NUP214: variants seen among roughly 807,000 people sequenced by gnomAD.
The protein encoded by NUP214 is nucleoporin 214, also known as nuclear pore complex protein Nup214.
A neutral mutation model predicts 196.2 loss-of-function variants in NUP214; 79 were observed. The observed-to-expected ratio is 0.40, with a 90% CI of 0.34 to 0.49. The LOEUF (loss-of-function observed/expected upper bound fraction) is 0.49. NUP214 is among the 20% of genes least tolerant of loss of function. NUP214 has a pLI of 0.58. For missense variants in NUP214, 2,468 were observed against 2,539.0 expected, an observed-to-expected ratio of 0.97 and a Z score of 0.60; for synonymous variants, 1,020 against 990.5, an observed-to-expected ratio of 1.03 and a Z score of -0.56.
At chr9:131,207,514 T>G (rs890964597) in intron 30 of NUP214, among the ~76,000 whole-genome samples, 1 of 152,186 alleles carries the variant, frequency 6.6e-6, no homozygotes, top group Non-Finnish European at 1.5e-5. Context: ...GGAGGAACAT[T>G]CCAAGAAAGA....
At position 131,151,780 on chromosome 9, in the gene NUP214, G is replaced by A. The variant is rs764294336; in HGVS notation, c.2322G>A (p.Glu774=). 6.2e-7 allele frequency: 1 copy of A among 1,613,374 alleles called. No individual in the cohort carries two copies. The highest frequency in any genetic ancestry group is 2.2e-5 in the East Asian group (1 of 44,836). The change falls in exon 17 of 36, where the codon GAG becomes GAA. Residue 774 remains glutamate, a synonymous_variant. Transcript: ENST00000359428. ...GTAGCCTGAAAACAACTTTACTTGAGGGCTTTGCTGGTGTTGAGGAAGCCA... is the reference window on the plus strand; with the variant it reads ...GTAGCCTGAAAACAACTTTACTTGAAGGCTTTGCTGGTGTTGAGGAAGCCA... ...DISSLKTTLL[E]GFAGVEEARE... is the part of the protein sequence containing the mutation.
At chr9:131,194,006 G>A (rs2131037005) in intron 27 of NUP214, 1 of 150,812 alleles carries the variant, frequency 6.6e-6, no homozygotes, top group East Asian at 1.9e-4. Context: ...TCAATGGCTT[G>A]ACACTATTAG....
chr9:131,163,547 G>A (rs1382109769), intron 19 of NUP214, among the ~76,000 whole-genome samples: 1 of 152,068 alleles, frequency 6.6e-6, no homozygotes, highest in Non-Finnish European at 1.5e-5. Context: ...CTTGAATGGG[G>A]GGACTTTCAG....
chr9:131,177,923 T>C (rs1157586932), intron 23 of NUP214, among the ~76,000 whole-genome samples: 3 of 152,070 alleles, frequency 2.0e-5, no homozygotes, highest in South Asian at 2.1e-4. Context: ...AATAAGCCCA[T>C]GTTAAAGAAA....
intron 21 of NUP214, among the ~76,000 whole-genome samples, chr9:131,173,346 G>A (rs1833010784): frequency 7.1e-6 from 1 of 141,704 alleles, no homozygotes; most frequent in South Asian, 2.2e-4. Flanking sequence ...TTGAGCCACT[G>A]CACCCAGCCT....
At chr9:131,141,416 T>C (rs1319649009) in intron 11 of NUP214, among the ~76,000 whole-genome samples, 1 of 151,590 alleles carries the variant, frequency 6.6e-6, no homozygotes, top group Non-Finnish European at 1.5e-5. Context: ...TGCACACATA[T>C]AAATACTAGT....
At chr9:131,167,993 T>A (rs539195401) in intron 21 of NUP214, among the ~76,000 whole-genome samples, 8 of 152,336 alleles carry the variant, frequency 5.3e-5, no homozygotes, top group African/African-American at 1.9e-4. Context: ...GAAGCGATCC[T>A]CCTGCCTCAG....
intron 34 of NUP214, among the ~76,000 whole-genome samples, chr9:131,231,336 C>T (rs1379268822): frequency 2.6e-5 from 4 of 152,074 alleles, no homozygotes; most frequent in East Asian, 1.9e-4. Flanking sequence ...GGTCTACAGG[C>T]GCCCGCCACC....
intron 26 of NUP214, chr9:131,190,163 T>C (rs1833558428): frequency 2.1e-5 from 7 of 330,114 alleles, no homozygotes; most frequent in African/African-American, 4.2e-5. Flanking sequence ...ACGCCTCACA[T>C]GAGAAGGAGG....
At chr9:131,233,349 TAAA>T in intron 35 of NUP214, 102 bp from the exon 36 acceptor site, 1 of 1,185,624 alleles carries the variant, frequency 8.4e-7, no homozygotes, top group East Asian at 2.6e-5. Context: ...AAAATAATAA[TAAA>T]AAATCTGAGT....
At chr9:131,172,391 G>T (rs1294981533) in intron 21 of NUP214, among the ~76,000 whole-genome samples, 9 of 152,166 alleles carry the variant, frequency 5.9e-5, no homozygotes, top group African/African-American at 1.7e-4. Flanking sequence ...ACCCACTTTT[G>T]GATGGGGTTG....
intron 35 of NUP214, 87 bp from the exon 36 acceptor site, chr9:131,233,367 A>T: frequency 7.3e-7 from 1 of 1,361,408 alleles, no homozygotes; most frequent in Non-Finnish European, 1.0e-6. Context: ...CTGAGTCCTG[A>T]CCTTTGCACA....
In NUP214 at chr9:131,189,061, A is replaced by G. The variant is rs767338469; in HGVS notation, c.3504A>G (p.Leu1168=). ...VAANQAKQGS[L]INSLKPSGPT... is the part of the protein sequence containing the mutation. ...CTTGCATTCTGTTATAGGGGTCTCT[A>G]ATAAATTCCCTTAAGCCATCTGGGC... The change falls in exon 26 of 36, where the codon CTA becomes CTG. Residue 1168 remains leucine, a synonymous_variant. Coordinates refer to ENST00000359428, the MANE Select transcript of NUP214 (RefSeq NM_005085.4). 68 of 1,613,406 alleles carry G rather than the reference A, an allele frequency of 4.2e-5. No homozygotes were observed. Among genetic ancestry groups the G allele is most frequent in the Non-Finnish European group, 9.3e-6 (11 of 1,179,456 alleles).
chr9:131,150,526 C>A (rs887551735), intron 15 of NUP214, 90 bp from the exon 16 acceptor site: 5 of 1,578,414 alleles, frequency 3.2e-6, no homozygotes, highest in Middle Eastern at 1.7e-4. Flanking sequence ...ATGGCCCATC[C>A]CAGCAGTCTG....
At chr9:131,139,524 G>A in intron 10 of NUP214, 117 bp downstream of exon 10, 1 of 1,436,264 alleles carries the variant, frequency 7.0e-7, no homozygotes, top group South Asian at 1.3e-5. Context: ...TGTAGCTTCT[G>A]GCAGCACATT....
intron 28 of NUP214, 50 bp from the exon 29 acceptor site, chr9:131,197,166 G>A: frequency 6.3e-7 from 1 of 1,590,276 alleles, no homozygotes; most frequent in Non-Finnish European, 8.6e-7. Flanking sequence ...AATGTAATGG[G>A]TCATCTTTTG....
At chr9:131,170,461 A>AT (rs1370120797) in intron 21 of NUP214, among the ~76,000 whole-genome samples, 1 of 152,184 alleles carries the variant, frequency 6.6e-6, no homozygotes, top group African/African-American at 2.4e-5. Context: ...CTGGGTACAT[A>AT]TTTGTATATT....
chr9:131,185,611 T>G (rs1478233721), intron 24 of NUP214, among the ~76,000 whole-genome samples: 2 of 152,240 alleles, frequency 1.3e-5, no homozygotes, highest in African/African-American at 4.8e-5. Context: ...TTGATTTCCA[T>G]TGTTTTGGTT....
chr9:131,139,255 C>CTTTTTTTTTTTTTTT (rs200377608), intron 9 of NUP214, 26 bp from the exon 10 acceptor site: 8 of 1,093,096 alleles, frequency 7.3e-6, no homozygotes, highest in Admixed American at 4.5e-5. Context: ...TCTTCTTCTT[C>CTTTTTTTTTTTTTTT]TTTTTTTTTT....
Sources: gnomAD v4.1 joint callset for allele counts (sites outside exome capture counted in the v4.1 genomes callset) on GRCh38, gnomAD v4.1.1 for gene constraint, MANE v1.5 for transcripts, NCBI Gene and HGNC (gene_info 2026-07-23, HGNC 2026-07-21) for gene names.